ZNF141: variants seen among roughly 807,000 people sequenced by gnomAD.
The protein encoded by ZNF141 is zinc finger protein 141 (clone pHZ-44).
In ZNF141, 7 loss-of-function variants were observed where a neutral mutation model predicts 11.3. The observed-to-expected ratio is 0.62, with a 90% confidence interval of 0.35 to 1.16. The LOEUF (loss-of-function observed/expected upper bound fraction) is 1.16. Among genes scored for constraint, ZNF141 ranks in the 50% most tolerant of loss-of-function variants. The pLI, the probability that ZNF141 is intolerant of heterozygous loss-of-function variation, is 0.02. For missense variants in ZNF141, 535 were observed against 554.0 expected (o/e 0.97, Z 0.34); for synonymous variants, 183 against 190.7 (o/e 0.96, Z 0.33).
At chr4:340,836 A>G (rs1721011683) in intron 1 of ZNF141, among the ~76,000 whole-genome samples, 2 of 152,348 alleles carry the variant, frequency 1.3e-5, no homozygotes, top group Admixed American at 6.5e-5. Flanking sequence ...TACATAGCCA[A>G]TCACTAACCA....
At chr4:358,928 A>G (rs1428313941) in intron 3 of ZNF141, among the ~76,000 whole-genome samples, 1 of 152,112 alleles carries the variant, frequency 6.6e-6, no homozygotes, top group East Asian at 1.9e-4. Flanking sequence ...GACATTTTCT[A>G]GATCTGTGTT....
chr4:349,585 A>G (rs925504593), intron 3 of ZNF141, among the ~76,000 whole-genome samples: 1 of 152,038 alleles, frequency 6.6e-6, no homozygotes, highest in South Asian at 2.1e-4. Context: ...GCATTTGACA[A>G]ATTTCACAGT....
In ZNF141 at chr4:373,429, G is replaced by T. The variant is rs782773789; in HGVS notation, c.992G>T (p.Arg331Ile). 1.9e-6 allele frequency: 3 copies of T among 1,607,150 alleles called. No individual in the cohort carries two copies. Among genetic ancestry groups the T allele is most frequent in the South Asian group, 1.1e-5 (1 of 90,662 alleles). The change falls in exon 4 of 4, where the codon AGA becomes ATA. Residue 331 changes from arginine (R) to isoleucine (I), a missense_variant. Transcript: ENST00000240499. ...NRSTTLTKHK[R>I]IHTGEKPYTC... ...TCCACAACCCTTACTAAACATAAGA[G>T]AATTCATACTGGAGAGAAACCCTAC...
intron 3 of ZNF141, 77 bp from the exon 4 acceptor site, chr4:372,587 A>G: frequency 1.6e-6 from 2 of 1,281,550 alleles, no homozygotes; most frequent in South Asian, 1.9e-5. Context: ...TGTATTTTGA[A>G]TAATTTCATA....
At position 383,213 on chromosome 4, in the gene ZNF141, C is replaced by G. The variant is rs1553855928; in HGVS notation, c.*9351C>G. 2 of 694,928 alleles carry G rather than the reference C, an allele frequency of 2.9e-6. No individual in the cohort carries two copies. The highest frequency in any genetic ancestry group is 1.8e-5 in the African/African-American group (1 of 56,818). 43.0% of individuals were successfully genotyped at this position (694,928 alleles called of 1,614,324 possible). A position where few individuals can be genotyped will look rare whatever the true frequency, so the allele number is the denominator to read the frequency against. Reference sequence around the variant, plus strand: ...CTCACAGAAGCAGAGCCACCTAATTCACCAGCATCTAACCACTCACACCTG... The same window carrying G: ...CTCACAGAAGCAGAGCCACCTAATTGACCAGCATCTAACCACTCACACCTG... On this transcript the variant is annotated 3_prime_UTR_variant, in exon 4 of 4. Coordinates refer to ENST00000240499, the MANE Select transcript of ZNF141 (RefSeq NM_003441.4).
rs1712646907 is a variant in ZNF141 at position 382,013 on chromosome 4, T to G, written c.*8151T>G. 1.4e-5 allele frequency among the ~76,000 whole-genome samples: 2 copies of G among 148,022 alleles called. No homozygotes were observed. On this transcript the variant is annotated 3_prime_UTR_variant, in exon 4 of 4. Transcript: ENST00000240499. ...CAGGCTGGAGTGCAGTGGCTCGATCTCGGCTCACTGCAAGCTCCACCTCCC... is the reference window on the plus strand; with the variant it reads ...CAGGCTGGAGTGCAGTGGCTCGATCGCGGCTCACTGCAAGCTCCACCTCCC...
intron 3 of ZNF141, among the ~76,000 whole-genome samples, chr4:356,647 A>ATT (rs1303898338): frequency 6.6e-6 from 1 of 152,142 alleles, no homozygotes; most frequent in East Asian, 1.9e-4. Context: ...TGGCAGTTAA[A>ATT]TTTTAACACG....
chr4:364,923 C>A (rs922289350), intron 3 of ZNF141, among the ~76,000 whole-genome samples: 1 of 152,228 alleles, frequency 6.6e-6, no homozygotes, highest in Non-Finnish European at 1.5e-5. Context: ...TTCAGCTATG[C>A]CCTCCCCCCA....
At chr4:359,058 C>G (rs1405716392) in intron 3 of ZNF141, among the ~76,000 whole-genome samples, 1 of 152,152 alleles carries the variant, frequency 6.6e-6, no homozygotes, top group South Asian at 2.1e-4. Context: ...GTAAATACTT[C>G]TTTCAGTCAT....
chr4:377,052 TAATA>T lies in ZNF141; in HGVS notation c.*3191_*3194del, dbSNP rs1712404924. Among the ~76,000 whole-genome samples the T allele has an allele frequency of 1.3e-5, 2 of 152,240 alleles. No individual in the cohort carries two copies. The highest frequency in any genetic ancestry group is 4.1e-4 in the South Asian group (2 of 4,838). ...TGTAAAATTTTTAGATGTAATTTCATAATATATGTATTAAGTTATTTTAGTTAGA... is the reference window on the plus strand; with the variant it reads ...TGTAAAATTTTTAGATGTAATTTCATTATGTATTAAGTTATTTTAGTTAGA... On this transcript the variant is annotated 3_prime_UTR_variant, in exon 4 of 4. Coordinates refer to ENST00000240499, the MANE Select transcript of ZNF141 (RefSeq NM_003441.4).
intron 1 of ZNF141, among the ~76,000 whole-genome samples, chr4:343,193 C>G (rs1414702141): frequency 6.6e-6 from 1 of 152,108 alleles, no homozygotes; most frequent in Non-Finnish European, 1.5e-5. Flanking sequence ...GGTGAGTTCA[C>G]CCTTTGTTCC....
Position 373,392 on chromosome 4 carries a change from G to A in ZNF141, c.955G>A (p.Ala319Thr), listed in dbSNP as rs1712180280. The change falls in exon 4 of 4, where the codon GCC becomes ACC. Residue 319 changes from alanine to threonine, a missense_variant. By Grantham distance (58) the Ala-to-Thr change is moderately conservative. Coordinates refer to ENST00000240499, the MANE Select transcript of ZNF141 (RefSeq NM_003441.4). ...KPYKCEECGKAFNRSTTLTKH... is the reference protein window; with the variant it reads ...KPYKCEECGKTFNRSTTLTKH... ...CTACAAATGTGAAGAATGTGGCAAA[G>A]CCTTTAATAGGTCCACAACCCTTAC... 10 of 1,613,658 alleles carry A rather than the reference G, an allele frequency of 6.2e-6. No individual in the cohort carries two copies. Among genetic ancestry groups the A allele is most frequent in the East Asian group, 2.2e-5 (1 of 44,846 alleles).
At chr4:346,934 A>T (rs1273037281) in intron 3 of ZNF141, among the ~76,000 whole-genome samples, 1 of 150,428 alleles carries the variant, frequency 6.6e-6, no homozygotes, top group Non-Finnish European at 1.5e-5. Context: ...CGGTACTACA[A>T]TAAACATGGA....
At chr4:359,298 G>GA (rs59855402) in intron 3 of ZNF141, among the ~76,000 whole-genome samples, 4,329 of 148,566 alleles carry the variant, frequency 0.029, 200 homozygotes, top group African/African-American at 0.099. Flanking sequence ...CTGGTGCTGA[G>GA]AAAAAAAAAA....
At chr4:347,415 C>G (rs1553849794) in intron 3 of ZNF141, among the ~76,000 whole-genome samples, 2 of 150,266 alleles carry the variant, frequency 1.3e-5, no homozygotes, top group Admixed American at 1.3e-4. Context: ...TCTCGGCTCA[C>G]TGCAAGCTCC....
chr4:348,809 T>C (rs1439693719), intron 3 of ZNF141, among the ~76,000 whole-genome samples: 1 of 152,168 alleles, frequency 6.6e-6, no homozygotes, highest in Admixed American at 6.5e-5. Context: ...AAAAGTCGTT[T>C]AAGGTTACAC....
chr4:359,131 T>C (rs1721991481), intron 3 of ZNF141, among the ~76,000 whole-genome samples: 1 of 152,196 alleles, frequency 6.6e-6, no homozygotes, highest in African/African-American at 2.4e-5. Context: ...AGATTTTCAC[T>C]AGGATCACAG....
intron 3 of ZNF141, among the ~76,000 whole-genome samples, chr4:360,505 C>T (rs1253813368): frequency 1.3e-5 from 2 of 152,122 alleles, no homozygotes; most frequent in Non-Finnish European, 2.9e-5. Context: ...TTTTATGATA[C>T]GTCTGTATTA....
rs1209213433 is a variant in ZNF141, at chr4:374,410, C to T, written c.*548C>T. 1.7e-5 allele frequency: 6 copies of T among 350,866 alleles called. No homozygotes were observed. The highest frequency in any genetic ancestry group is 6.8e-5 in the Admixed American group (2 of 29,426). The allele number at this position is 350,866 out of a possible 1,614,324, so 21.7% of individuals were successfully genotyped here. On this transcript the variant is annotated 3_prime_UTR_variant, in exon 4 of 4. Transcript: ENST00000240499. ...TGTGGCACAGTCTTTACCACATCCTCAAACTTTGTTAAACATAAGAGAATT... is the reference window on the plus strand; with the variant it reads ...TGTGGCACAGTCTTTACCACATCCTTAAACTTTGTTAAACATAAGAGAATT...
Sources: gnomAD v4.1 joint callset for allele counts (sites outside exome capture counted in the v4.1 genomes callset) on GRCh38, gnomAD v4.1.1 for gene constraint, MANE v1.5 for transcripts, NCBI Gene and HGNC (gene_info 2026-07-23, HGNC 2026-07-21) for gene names.